ASCC3: variants seen among roughly 807,000 people sequenced by gnomAD.
ASCC3 encodes ASC-1 complex subunit P200.
In ASCC3, 158 loss-of-function variants were observed where a neutral mutation model predicts 256.3. The observed-to-expected ratio is 0.62, with a 90% confidence interval of 0.54 to 0.70. ASCC3 has a LOEUF of 0.70. Among genes scored for constraint, ASCC3 ranks in the 30% least tolerant of loss-of-function variants. ASCC3 has a pLI of 0.00. For missense variants in ASCC3, 2,259 were observed against 2,626.0 expected (o/e 0.86, Z 3.05); for synonymous variants, 948 against 883.4 (o/e 1.07, Z -1.30).
intron 11 of ASCC3, among the ~76,000 whole-genome samples, chr6:100,723,891 T>TGC (rs1779481967): frequency 8.2e-6 from 1 of 122,456 alleles, no homozygotes; most frequent in African/African-American, 3.0e-5. Flanking sequence ...TATATATATA[T>TGC]ATATATTTAT....
chr6:100,638,846 A>G (rs1191841768), intron 24 of ASCC3, 25 bp from the exon 25 acceptor site: 2 of 1,585,648 alleles, frequency 1.3e-6, no homozygotes, highest in Non-Finnish European at 1.7e-6. Flanking sequence ...CAGGATGGCT[A>G]TACGACAATT....
chr6:100,555,785 C>T (rs1769541632), intron 36 of ASCC3, among the ~76,000 whole-genome samples: 2 of 152,132 alleles, frequency 1.3e-5, no homozygotes, highest in Admixed American at 6.6e-5. Flanking sequence ...TTAACAGCAA[C>T]ATATAATTGT....
chr6:100,642,464 T>C (rs73502911), intron 24 of ASCC3, 117 bp downstream of exon 24: 12 of 1,045,386 alleles, frequency 1.1e-5, no homozygotes, highest in Non-Finnish European at 1.2e-5. Context: ...AAGGGAGTTA[T>C]AGAGAAGTTA....
chr6:100,770,842 CTTT>C (rs34601702), intron 8 of ASCC3, among the ~76,000 whole-genome samples: 2 of 141,864 alleles, frequency 1.4e-5, no homozygotes, highest in Non-Finnish European at 1.5e-5. Flanking sequence ...CTTAAGATGT[CTTT>C]TTTTTTTTTT....
At chr6:100,538,470 A>G (rs1179182935) in intron 37 of ASCC3, among the ~76,000 whole-genome samples, 1 of 152,182 alleles carries the variant, frequency 6.6e-6, no homozygotes, top group East Asian at 1.9e-4. Context: ...AGTTTCTAAA[A>G]CAATAAAATT....
chr6:100,823,743 G>A lies in ASCC3; in HGVS notation c.802-17863C>T, dbSNP rs148667795. Among the ~76,000 whole-genome samples, 6 of 152,150 alleles carry A rather than the reference G, an allele frequency of 3.9e-5. No homozygotes were observed. The East Asian group carries it at 5.8e-4, about 15-fold the overall frequency. ...GAGATGCCAAAAAAATTATTTCAGG[G>A]CATGCACAAACTAAAACAGCATTAC... On this transcript the variant is annotated intron_variant, in intron 4 of 41. Coordinates refer to ENST00000369162, the MANE Select transcript of ASCC3 (RefSeq NM_006828.4).
At chr6:100,657,755 G>A (rs1434155315) in intron 16 of ASCC3, among the ~76,000 whole-genome samples, 2 of 151,248 alleles carry the variant, frequency 1.3e-5, no homozygotes, top group South Asian at 2.1e-4. Context: ...GCAAAGATTC[G>A]ATCAACTAAA....
intron 10 of ASCC3, among the ~76,000 whole-genome samples, chr6:100,735,730 A>G (rs962599714): frequency 6.6e-6 from 1 of 152,186 alleles, no homozygotes; most frequent in Non-Finnish European, 1.5e-5. Flanking sequence ...ATCTCTACAT[A>G]CATACACAAA....
At chr6:100,662,164 T>C (rs965240496) in intron 15 of ASCC3, 134 bp from the exon 16 acceptor site, 4 of 1,109,410 alleles carry the variant, frequency 3.6e-6, no homozygotes, top group Non-Finnish European at 5.2e-6. Context: ...TCATCTGTGA[T>C]AGAGTAAAAT....
intron 36 of ASCC3, among the ~76,000 whole-genome samples, chr6:100,545,124 C>T (rs1003486770): frequency 1.3e-5 from 2 of 152,156 alleles, no homozygotes; most frequent in East Asian, 1.9e-4. Context: ...CAAAAACTCT[C>T]AGCAAACTAA....
intron 36 of ASCC3, among the ~76,000 whole-genome samples, chr6:100,573,092 T>C (rs1875400): frequency 0.44 from 66,721 of 151,822 alleles, 14,938 homozygotes; most frequent in South Asian, 0.62. Flanking sequence ...CTGCTTATAG[T>C]GGGTTGGATT....
At chr6:100,600,205 GCACACACACACACA>G (rs56886686) in intron 34 of ASCC3, among the ~76,000 whole-genome samples, 4 of 145,770 alleles carry the variant, frequency 2.7e-5, no homozygotes, top group East Asian at 2.1e-4. Flanking sequence ...ACATGCACAT[GCACACACACACACA>G]CACACACACA....
At position 100,509,548 on chromosome 6, in the gene ASCC3, T is replaced by G. The variant is rs1773651331; in HGVS notation, c.6462-15A>C. On this transcript the variant is annotated splice_polypyrimidine_tract_variant and intron_variant, in intron 41 of 41. Transcript: ENST00000369162. The stretch of plus-strand genomic sequence containing the variant: ...TGTAGATATACCTAAAATATAAAAA[T>G]AGAAGAAAAATGTAAAACCACTTTT... 6.2e-7 allele frequency: 1 copy of G among 1,606,364 alleles called. No individual in the cohort carries two copies. Among genetic ancestry groups the G allele is most frequent in the African/African-American group, 1.3e-5 (1 of 74,486 alleles).
chr6:100,735,174 G>A (rs1050714690), intron 10 of ASCC3, among the ~76,000 whole-genome samples: 7 of 152,040 alleles, frequency 4.6e-5, no homozygotes, highest in South Asian at 2.1e-4. Context: ...AATATTCCCC[G>A]AGTGATCTGA....
intron 4 of ASCC3, among the ~76,000 whole-genome samples, chr6:100,806,196 C>A (rs77718571): frequency 0.013 from 2,034 of 152,056 alleles, 20 homozygotes; most frequent in East Asian, 0.045. Context: ...ATTTAATTTG[C>A]TCTTCAACAT....
intron 13 of ASCC3, among the ~76,000 whole-genome samples, chr6:100,705,604 G>C (rs1778542454): frequency 6.6e-6 from 1 of 151,904 alleles, no homozygotes; most frequent in Admixed American, 6.6e-5. Context: ...TGAACAACTT[G>C]AAGGCAAGAA....
chr6:100,642,616 T>C lies in ASCC3; in HGVS notation c.3866A>G (p.His1289Arg), dbSNP rs775678056. Residue 1289 changes from histidine (H) to arginine (R), a missense_variant, in exon 24 of 42, where the codon CAT becomes CGT. Physicochemically the swap from His to Arg is conservative, Grantham distance 29. Transcript: ENST00000369162. ...AEAVCIINFQ[H>R]LILPERHPPH... The stretch of plus-strand genomic sequence containing the variant: ...AGGATGTCTCTCTGGTAGAATTAGA[T>C]GTTGAAAGTTGATAATACATACTGC... 4 of 1,613,934 alleles carry C rather than the reference T, an allele frequency of 2.5e-6. No homozygotes were observed. Among genetic ancestry groups the C allele is most frequent in the Admixed American group, 1.7e-5 (1 of 59,990 alleles).
intron 22 of ASCC3, among the ~76,000 whole-genome samples, chr6:100,645,739 A>C (rs1352911074): frequency 6.6e-6 from 1 of 152,204 alleles, no homozygotes; most frequent in East Asian, 1.9e-4. Flanking sequence ...GTATCTTTAT[A>C]TACATAATAA....
At chr6:100,786,276 T>G (rs779053426) in intron 8 of ASCC3, among the ~76,000 whole-genome samples, 3 of 152,138 alleles carry the variant, frequency 2.0e-5, no homozygotes, top group Non-Finnish European at 4.4e-5. Context: ...ATACACATGC[T>G]CATGGTATGT....
Sources: gnomAD v4.1 joint callset for allele counts (sites outside exome capture counted in the v4.1 genomes callset) on GRCh38, gnomAD v4.1.1 for gene constraint, MANE v1.5 for transcripts, NCBI Gene and HGNC (gene_info 2026-07-23, HGNC 2026-07-21) for gene names.